The following RGSL1 variants were observed in gnomAD, a reference collection of about 807,000 sequenced individuals.
RGSL1 encodes the protein regulator of G protein signaling protein-like.
Under a neutral mutation model 124.7 loss-of-function variants are expected in RGSL1, and 97 were observed. That is an observed-to-expected ratio of 0.78 (90% confidence interval 0.66 to 0.92). RGSL1 has a LOEUF of 0.92. Among genes scored for constraint, RGSL1 ranks in the 40% least tolerant of loss-of-function variants. RGSL1 has a pLI of 0.00. For missense variants in RGSL1, 1,233 were observed against 1,288.4 expected (o/e 0.96, Z 0.66); for synonymous variants, 424 against 438.1 (o/e 0.97, Z 0.40).
chr1:182,472,046 A>G (rs1653888272), intron 4 of RGSL1, among the ~76,000 whole-genome samples: 2 of 151,940 alleles, frequency 1.3e-5, no homozygotes, highest in African/African-American at 4.8e-5. Flanking sequence ...TTCTCAGTCC[A>G]TGATCTAGGA....
At chr1:182,459,755 T>C (rs1035788827) in intron 3 of RGSL1, among the ~76,000 whole-genome samples, 1 of 152,218 alleles carries the variant, frequency 6.6e-6, no homozygotes, top group African/African-American at 2.4e-5. Context: ...GAAAGAATTT[T>C]TTCATGAAAG....
At chr1:182,503,560 T>C (rs1656564283) in intron 9 of RGSL1, among the ~76,000 whole-genome samples, 1 of 101,128 alleles carries the variant, frequency 9.9e-6, no homozygotes. Flanking sequence ...AGTAGAAGGA[T>C]GGTTACCAGC....
Position 182,474,205 on chromosome 1 carries a change from T to C in RGSL1, c.1094T>C (p.Phe365Ser). Reference sequence around the variant, plus strand: ...ATTCAGAAGGCCATCAAGCAAAGCTTCTCCTTAGGATACATCCACTTGGCC... The same window carrying C: ...ATTCAGAAGGCCATCAAGCAAAGCTCCTCCTTAGGATACATCCACTTGGCC... ...MTIQKAIKQSFSLGYIHLALC... is the reference protein window; with the variant it reads ...MTIQKAIKQSSSLGYIHLALC... The change falls in exon 6 of 22, where the codon TTC (phenylalanine) becomes TCC (serine). Residue 365 changes from phenylalanine (F) to serine (S), a missense_variant. Coordinates refer to ENST00000294854, the MANE Select transcript of RGSL1 (RefSeq NM_001137669.2). 6.4e-7 allele frequency: 1 copy of C among 1,551,996 alleles called. No individual in the cohort carries two copies. Among genetic ancestry groups the C allele is most frequent in the Middle Eastern group, 1.7e-4 (1 of 5,994 alleles).
At chr1:182,538,080 C>G (rs1281116460) in intron 14 of RGSL1, among the ~76,000 whole-genome samples, 1 of 152,168 alleles carries the variant, frequency 6.6e-6, no homozygotes, top group African/African-American at 2.4e-5. Context: ...TCATTTTTCC[C>G]AAGTCTCAGT....
At chr1:182,555,283 A>G (rs35128672) in intron 20 of RGSL1, 23,021 of 154,538 alleles carry the variant, frequency 0.15, 2,276 homozygotes, top group Admixed American at 0.25. Context: ...AATGGTCTCC[A>G]GTTCCATCCA....
At chr1:182,473,214 T>C (rs1400189111) in intron 5 of RGSL1, among the ~76,000 whole-genome samples, 1 of 152,240 alleles carries the variant, frequency 6.6e-6, no homozygotes, top group Admixed American at 6.5e-5. Flanking sequence ...GTTCTACTTA[T>C]CCAGTCCAAA....
At chr1:182,540,933 A>G (rs1009988783) in intron 15 of RGSL1, among the ~76,000 whole-genome samples, 1 of 152,150 alleles carries the variant, frequency 6.6e-6, no homozygotes, top group Non-Finnish European at 1.5e-5. Flanking sequence ...TCTTGTATAG[A>G]CTATACCCCA....
intron 15 of RGSL1, among the ~76,000 whole-genome samples, chr1:182,545,632 G>A (rs545510707): frequency 1.6e-4 from 25 of 152,248 alleles, no homozygotes; most frequent in Non-Finnish European, 3.1e-4. Flanking sequence ...GTCTAGGAAA[G>A]GCTCTCTCTC....
At chr1:182,485,914 G>A (rs1446689987) in intron 6 of RGSL1, among the ~76,000 whole-genome samples, 3 of 152,296 alleles carry the variant, frequency 2.0e-5, no homozygotes, top group East Asian at 3.9e-4. Context: ...ACAAAACTGT[G>A]CCCGTTTGTT....
At chr1:182,463,625 G>A (rs1438973564) in intron 4 of RGSL1, among the ~76,000 whole-genome samples, 1 of 152,020 alleles carries the variant, frequency 6.6e-6, no homozygotes, top group African/African-American at 2.4e-5. Context: ...AGACAAAGAA[G>A]GACATTACTT....
chr1:182,529,825 AGTTTC>A (rs1425891706), intron 11 of RGSL1, among the ~76,000 whole-genome samples: 1 of 152,132 alleles, frequency 6.6e-6, no homozygotes, highest in Non-Finnish European at 1.5e-5. Context: ...TGAACACAGC[AGTTTC>A]TGAACAACTG....
chr1:182,469,032 G>A lies in RGSL1; in HGVS notation c.302-3364G>A, dbSNP rs112875507. Among the ~76,000 whole-genome samples, 1,199 of 152,068 alleles carry A rather than the reference G, an allele frequency of 7.9e-3. 12 individuals are homozygous for A. Among genetic ancestry groups the A allele is most frequent in the African/African-American group, 0.023 (942 of 41,514 alleles). On this transcript the variant is annotated intron_variant, in intron 4 of 21. Transcript: ENST00000294854. ...TATGAAAATTAACTCAAAATGGATT[G>A]AAGACCTAAATTTAAGGCATAAAAC... is the stretch of plus-strand genomic sequence containing the variant.
intron 4 of RGSL1, among the ~76,000 whole-genome samples, chr1:182,467,567 G>T (rs1355042736): frequency 6.6e-6 from 1 of 152,222 alleles, no homozygotes; most frequent in East Asian, 1.9e-4. Flanking sequence ...CTAGCCATAT[G>T]CAGAAAGCTG....
In RGSL1 at chr1:182,556,047, AAG is replaced by A. The variant is rs1327760728; in HGVS notation, c.3225_3226del (p.Lys1076ValfsTer10). On this transcript the variant is annotated frameshift_variant, in exon 21 of 22. Coordinates refer to ENST00000294854, the MANE Select transcript of RGSL1 (RefSeq NM_001137669.2). LOFTEE classifies it high-confidence loss of function. ...AGACAAAAATTATCCTACATCAAAA[AAG>A]AGAAGTAATCAAGCGAGACCCCCAG... is the stretch of plus-strand genomic sequence containing the variant. 2 of 1,551,494 alleles carry A rather than the reference AAG, an allele frequency of 1.3e-6. No homozygotes were observed. The highest frequency in any genetic ancestry group is 1.7e-6 in the Non-Finnish European group (2 of 1,146,862).
chr1:182,521,325 C>A (rs1053290832), intron 9 of RGSL1, among the ~76,000 whole-genome samples: 1 of 152,208 alleles, frequency 6.6e-6, no homozygotes, highest in African/African-American at 2.4e-5. Flanking sequence ...CCCACTTTGG[C>A]TTCCCAAAAT....
upstream of RGSL1, chr1:182,450,122 A>C (rs1453946232): frequency 6.4e-7 from 1 of 1,551,572 alleles, no homozygotes; most frequent in Non-Finnish European, 8.7e-7. Context: ...CTGGGGGGTA[A>C]TTCTGCCCCT....
rs773767423 is a variant in RGSL1, at chr1:182,522,105, C to G, written c.1927C>G (p.Pro643Ala). The stretch of plus-strand genomic sequence containing the variant: ...TCTTGTAAGGAAGCCATCAATGAGA[C>G]CCAGGTGAGATATAGAATCTGTTTA... ...RTLVRKPSMR[P>A]RNLTEVLLNT... Residue 643 changes from proline (P) to alanine (A), a missense_variant, in exon 10 of 22, where the codon CCC (proline) becomes GCC (alanine). Physicochemically the swap from Pro to Ala is conservative, Grantham distance 27. Coordinates refer to ENST00000294854, the MANE Select transcript of RGSL1 (RefSeq NM_001137669.2). 6.5e-7 allele frequency: 1 copy of G among 1,544,268 alleles called. No individual in the cohort carries two copies. The highest frequency in any genetic ancestry group is 8.8e-7 in the Non-Finnish European group (1 of 1,142,470).
chr1:182,492,651 T>G (rs1001456209), intron 8 of RGSL1, among the ~76,000 whole-genome samples: 2 of 148,674 alleles, frequency 1.3e-5, no homozygotes, highest in Admixed American at 6.7e-5. Context: ...TTGAGATGGA[T>G]TCTCCCTCTG....
intron 6 of RGSL1, among the ~76,000 whole-genome samples, chr1:182,484,684 G>GTGCAGC (rs1376849893): frequency 6.6e-6 from 1 of 152,310 alleles, no homozygotes; most frequent in African/African-American, 2.4e-5. Flanking sequence ...CAGGGTGCAG[G>GTGCAGC]TGCAGCTGCA....
Sources: allele counts gnomAD v4.1 joint callset (sites outside exome capture counted in the v4.1 genomes callset), GRCh38; gene constraint gnomAD v4.1.1; transcripts MANE v1.5; gene names NCBI Gene and HGNC (gene_info 2026-07-23, HGNC 2026-07-21).